The following TMEM225B variants were observed in gnomAD, a reference collection of about 807,000 sequenced individuals.
The protein encoded by TMEM225B is transmembrane protein 225B.
In TMEM225B, 10 loss-of-function variants were observed where a neutral mutation model predicts 16.9. The observed-to-expected ratio is 0.59, with a 90% CI of 0.36 to 1.00. The LOEUF is 1.00. Ranked by LOEUF, TMEM225B falls within the 50% of genes least tolerant of loss-of-function variation. The probability of loss-of-function intolerance (pLI) is 0.01; values close to 1 mark genes in which losing one functional copy is unlikely to be tolerated. For missense variants in TMEM225B, 217 were observed against 267.0 expected (o/e 0.81, Z 1.30); for synonymous variants, 92 against 109.8 (o/e 0.84, Z 1.01).
Position 99,610,632 on chromosome 7 carries a change from C to T in TMEM225B, c.*67C>T. 3.6e-6 allele frequency: 5 copies of T among 1,391,422 alleles called. No homozygotes were observed. Among genetic ancestry groups the T allele is most frequent in the South Asian group, 1.3e-5 (1 of 76,844 alleles). The allele number at this position is 1,391,422 out of a possible 1,614,324, so 86.2% of individuals were successfully genotyped here. A position where few individuals can be genotyped will look rare whatever the true frequency, so the allele number is the denominator to read the frequency against. ...TGTACACATGTAGCTGTTTGTAGTC[C>T]TCCCCACCCTCTCTGCCAGTATCTG... On this transcript the variant is annotated 3_prime_UTR_variant, in exon 6 of 6. Coordinates refer to ENST00000431679, the MANE Select transcript of TMEM225B (RefSeq NM_001195541.3).
intron 4 of TMEM225B, 62 bp downstream of exon 4, chr7:99,606,956 AG>A: frequency 6.6e-7 from 1 of 1,509,782 alleles, no homozygotes. Context: ...CCAGAGAAAG[AG>A]GGGTGCTCAG....
intron 3 of TMEM225B, 124 bp downstream of exon 3, chr7:99,604,720 GC>G: frequency 1.3e-6 from 1 of 774,168 alleles, no homozygotes; most frequent in Non-Finnish European, 2.1e-6. Context: ...AGGGCTGGAT[GC>G]GGTGGCTTGC....
chr7:99,609,683 C>G (rs1433823557), intron 5 of TMEM225B, among the ~76,000 whole-genome samples: 1 of 151,940 alleles, frequency 6.6e-6, no homozygotes, highest in East Asian at 1.9e-4. Context: ...ATCCACCCAC[C>G]TCGGCCTCCC....
chr7:99,609,853 C>A (rs1459378332), intron 5 of TMEM225B, among the ~76,000 whole-genome samples: 3 of 151,978 alleles, frequency 2.0e-5, no homozygotes, highest in Non-Finnish European at 4.4e-5. Flanking sequence ...TCCTGCCTCA[C>A]CCTCCCAAGT....
intron 2 of TMEM225B, among the ~76,000 whole-genome samples, chr7:99,602,464 G>A (rs886282143): frequency 5.9e-5 from 9 of 152,212 alleles, no homozygotes; most frequent in Non-Finnish European, 1.0e-4. Flanking sequence ...ACTTTGGTAT[G>A]CGTTATTTCA....
At chr7:99,606,397 G>C (rs1339767938) in intron 3 of TMEM225B, among the ~76,000 whole-genome samples, 1 of 152,198 alleles carries the variant, frequency 6.6e-6, no homozygotes, top group Non-Finnish European at 1.5e-5. Context: ...AGCCTGTGAA[G>C]TCGAAGTTAC....
intron 5 of TMEM225B, among the ~76,000 whole-genome samples, 172 bp from the exon 6 acceptor site, chr7:99,610,221 T>C (rs1477859671): frequency 1.3e-5 from 2 of 152,196 alleles, no homozygotes; most frequent in Non-Finnish European, 2.9e-5. Flanking sequence ...ATTTTATACA[T>C]GTATTTGTAC....
rs770026296 is a variant in TMEM225B at position 99,610,524 on chromosome 7, G to A, written c.625G>A (p.Val209Ile). ...LESLGGEPSS[V>I]QKETQVTAET... ...GAGTTTGGGAGGAGAACCGAGCTCA[G>A]TACAAAAGGAGACACAGGTGACAGC... The change falls in exon 6 of 6, where the codon GTA becomes ATA. Residue 209 changes from valine to isoleucine, a missense_variant. By Grantham distance (29) the Val-to-Ile change is conservative. Coordinates refer to ENST00000431679, the MANE Select transcript of TMEM225B (RefSeq NM_001195541.3). 14 of 1,536,076 alleles carry A rather than the reference G, an allele frequency of 9.1e-6. No individual in the cohort carries two copies. Among genetic ancestry groups the A allele is most frequent in the East Asian group, 2.4e-5 (1 of 40,910 alleles).
At chr7:99,604,314 T>C in intron 2 of TMEM225B, 72 bp from the exon 3 acceptor site, 1 of 970,646 alleles carries the variant, frequency 1.0e-6, no homozygotes, top group African/African-American at 1.6e-5. Context: ...CCAGCCACTG[T>C]CTCCTTCCCT....
At chr7:99,602,454 AC>A (rs1805451139) in intron 2 of TMEM225B, among the ~76,000 whole-genome samples, 1 of 152,136 alleles carries the variant, frequency 6.6e-6, no homozygotes, top group African/African-American at 2.4e-5. Flanking sequence ...TGTGTTGGAC[AC>A]TTTGGTATGC....
chr7:99,608,730 TATATACACAC>T (rs1444304345), intron 5 of TMEM225B, among the ~76,000 whole-genome samples: 6 of 123,468 alleles, frequency 4.9e-5, no homozygotes, highest in African/African-American at 1.3e-4. Flanking sequence ...TATATATATA[TATATACACAC>T]ACACACACAC....
At chr7:99,609,659 C>T (rs142082977) in intron 5 of TMEM225B, among the ~76,000 whole-genome samples, 4,268 of 152,170 alleles carry the variant, frequency 0.028, 159 homozygotes, top group African/African-American at 0.09. Context: ...TGGTCTCGAA[C>T]TCCTGACCTT....
chr7:99,610,152 C>T (rs1285947568), intron 5 of TMEM225B, among the ~76,000 whole-genome samples: 2 of 151,764 alleles, frequency 1.3e-5, no homozygotes, highest in Non-Finnish European at 2.9e-5. Context: ...TTTTTTTTCA[C>T]CCATTAATGG....
intron 4 of TMEM225B, 38 bp downstream of exon 4, chr7:99,606,932 G>A (rs1292627060): frequency 6.5e-7 from 1 of 1,534,084 alleles, no homozygotes; most frequent in Non-Finnish European, 8.7e-7. Context: ...CTTCGCTAGG[G>A]CCTGGGGAGG....
intron 3 of TMEM225B, 71 bp from the exon 4 acceptor site, chr7:99,606,677 A>G: frequency 1.4e-6 from 2 of 1,450,856 alleles, no homozygotes; most frequent in Non-Finnish European, 9.2e-7. Flanking sequence ...AGCCCTGCCC[A>G]GGCTCTGAGG....
chr7:99,601,438 A>T (rs1252750073), intron 2 of TMEM225B, among the ~76,000 whole-genome samples: 1 of 152,170 alleles, frequency 6.6e-6, no homozygotes, highest in African/African-American at 2.4e-5. Context: ...ACAAAAAATT[A>T]AAAAATTAGC....
chr7:99,598,853 G>C (rs373144927), intron 1 of TMEM225B, among the ~76,000 whole-genome samples: 2 of 152,206 alleles, frequency 1.3e-5, no homozygotes, highest in African/African-American at 4.8e-5. Flanking sequence ...GGCGCTGAAG[G>C]GGGCCTAGGG....
rs993723480 is a variant in TMEM225B, at chr7:99,600,408, C to T, written c.-4+123C>T. 8 of 655,324 alleles carry T rather than the reference C, an allele frequency of 1.2e-5. No homozygotes were observed. The African/African-American group carries it at 1.3e-4, about 10-fold the overall frequency. 40.6% of individuals were successfully genotyped at this position (655,324 alleles called of 1,614,324 possible). On this transcript the variant is annotated intron_variant, in intron 2 of 5. Transcript: ENST00000431679. ...AATCTGGGGAGCAGAACAGGCACCC[C>T]CGCCCCCAGGAAGGAACCCAGGTGT...
At chr7:99,609,782 T>C (rs1362052005) in intron 5 of TMEM225B, among the ~76,000 whole-genome samples, 4 of 152,266 alleles carry the variant, frequency 2.6e-5, no homozygotes, top group African/African-American at 9.6e-5. Context: ...TCGCCCAGGC[T>C]GGAGGGCAGT....
Sources: allele counts gnomAD v4.1 joint callset (sites outside exome capture counted in the v4.1 genomes callset), GRCh38; gene constraint gnomAD v4.1.1; transcripts MANE v1.5; gene names NCBI Gene and HGNC (gene_info 2026-07-23, HGNC 2026-07-21).